Variants in WDHD1 observed in about 807,000 individuals in gnomAD.
WDHD1 encodes WD repeat and HMG-box DNA binding protein 1, also known as WD repeat and HMG-box DNA-binding protein 1.
In WDHD1, 111 loss-of-function variants were observed where a neutral mutation model predicts 135.4. The observed-to-expected ratio is 0.82, with a 90% CI of 0.70 to 0.96. WDHD1 has a LOEUF of 0.96. Ranked by LOEUF, WDHD1 falls within the 40% of genes least tolerant of loss-of-function variation. The pLI is 0.00. For synonymous variants in WDHD1, 434 were observed against 439.0 expected, an observed-to-expected ratio of 0.99 and a Z score of 0.14; for missense variants, 1,351 against 1,336.3, an observed-to-expected ratio of 1.01 and a Z score of -0.17.
chr14:55,008,429 C>A (rs1266569783), intron 5 of WDHD1, 63 bp from the exon 6 acceptor site: 18 of 1,540,124 alleles, frequency 1.2e-5, no homozygotes, highest in Non-Finnish European at 1.4e-5. Context: ...GAAAGTGGTT[C>A]AATTAATTAA....
chr14:54,946,878 A>C (rs1463462909), intron 24 of WDHD1, among the ~76,000 whole-genome samples: 1 of 151,822 alleles, frequency 6.6e-6, no homozygotes, highest in East Asian at 1.9e-4. Context: ...CTCCATCTCT[A>C]CCAAAAAATA....
chr14:55,013,248 C>T lies in WDHD1; in HGVS notation c.189+237G>A, dbSNP rs567642260. Reference sequence around the variant, plus strand: ...TGGGGCAAGTTATGGCATTATCATGCATTTTAAAATATTATTTCATGAGAT... The same window carrying T: ...TGGGGCAAGTTATGGCATTATCATGTATTTTAAAATATTATTTCATGAGAT... On this transcript the variant is annotated intron_variant, in intron 3 of 25. Transcript: ENST00000360586. Among the ~76,000 whole-genome samples the T allele has an allele frequency of 3.6e-4, 51 of 140,944 alleles. 1 individual carries two copies. The highest frequency in any genetic ancestry group is 7.1e-4 in the Non-Finnish European group (47 of 65,878). 92.5% of individuals were successfully genotyped at this position (140,944 alleles called of 152,430 possible). A position where few individuals can be genotyped will look rare whatever the true frequency, so the allele number is the denominator to read the frequency against.
intron 24 of WDHD1, 44 bp downstream of exon 24, chr14:54,955,517 C>G: frequency 6.8e-7 from 1 of 1,460,032 alleles, no homozygotes; most frequent in Admixed American, 2.7e-5. Flanking sequence ...CTACTGTATA[C>G]TTTTTACTTG....
rs1461406000 is a variant in WDHD1 at position 54,987,945 on chromosome 14, A to C, written c.1527-558T>G. Among the ~76,000 whole-genome samples the C allele has an allele frequency of 3.9e-5, 6 of 152,208 alleles. No homozygotes were observed. The South Asian group carries it at 1.2e-3, about 32-fold the overall frequency. ...CCCAGCCTGAAGGATACAAATTTCA[A>C]ATCACATAGAAGATAGTAAAATCCA... On this transcript the variant is annotated intron_variant, in intron 13 of 25. Coordinates refer to ENST00000360586, the MANE Select transcript of WDHD1 (RefSeq NM_007086.4).
chr14:55,009,904 T>C (rs940922798), intron 4 of WDHD1, among the ~76,000 whole-genome samples: 3 of 152,130 alleles, frequency 2.0e-5, no homozygotes, highest in Non-Finnish European at 4.4e-5. Flanking sequence ...CACTGCAACC[T>C]CTGCCTCCTA....
intron 7 of WDHD1, among the ~76,000 whole-genome samples, chr14:55,006,433 GGATAA>G (rs2042071025): frequency 6.6e-6 from 1 of 151,964 alleles, no homozygotes; most frequent in Non-Finnish European, 1.5e-5. Flanking sequence ...TTTGTATACA[GGATAA>G]CAATCCTGTA....
chr14:54,971,833 C>A (rs2041438971), intron 16 of WDHD1, among the ~76,000 whole-genome samples: 1 of 150,518 alleles, frequency 6.6e-6, no homozygotes, highest in Non-Finnish European at 1.5e-5. Flanking sequence ...AAATCAGCAG[C>A]AAAAAACAAA....
chr14:54,953,163 G>C (rs2041090974), intron 24 of WDHD1, among the ~76,000 whole-genome samples: 1 of 152,100 alleles, frequency 6.6e-6, no homozygotes, highest in African/African-American at 2.4e-5. Context: ...CACAGCAAAA[G>C]AAACTACCAT....
intron 7 of WDHD1, among the ~76,000 whole-genome samples, chr14:55,003,721 G>C (rs2042016248): frequency 6.7e-6 from 1 of 149,130 alleles, no homozygotes; most frequent in South Asian, 2.1e-4. Context: ...ACACCACCAC[G>C]CCTGGCTAAT....
At position 55,007,349 on chromosome 14, in the gene WDHD1, T is replaced by C. The variant is rs1393808699; in HGVS notation, c.531A>G (p.Leu177=). Residue 177 remains leucine, a synonymous_variant, in exon 7 of 26, where the codon CTA becomes CTG. Transcript: ENST00000360586. ...DQTCAISWPL[L]QKCNDVINAK... The stretch of plus-strand genomic sequence containing the variant: ...CATTTATCACATCGTTGCATTTTTG[T>C]AGCAGTGGCCAACTAATAGCACATG... 3 of 1,604,266 alleles carry C rather than the reference T, an allele frequency of 1.9e-6. No individual in the cohort carries two copies. The highest frequency in any genetic ancestry group is 1.7e-5 in the Admixed American group (1 of 58,696).
intron 3 of WDHD1, among the ~76,000 whole-genome samples, chr14:55,012,016 C>T (rs76202473): frequency 0.071 from 10,751 of 151,890 alleles, 603 homozygotes; most frequent in Non-Finnish European, 0.11. Flanking sequence ...AAAAGTTTCT[C>T]ACTTATGTAT....
intron 12 of WDHD1, among the ~76,000 whole-genome samples, chr14:54,990,621 C>T (rs1445014523): frequency 6.6e-6 from 1 of 151,506 alleles, no homozygotes; most frequent in Non-Finnish European, 1.5e-5. Flanking sequence ...GAACTCAAAT[C>T]TAAGGCAAAA....
chr14:55,003,477 T>C (rs971793037), intron 7 of WDHD1, among the ~76,000 whole-genome samples: 2 of 151,122 alleles, frequency 1.3e-5, no homozygotes, highest in African/African-American at 4.9e-5. Flanking sequence ...ATCATGCCAC[T>C]GCACTCCAGC....
intron 21 of WDHD1, among the ~76,000 whole-genome samples, chr14:54,958,070 CCTT>C (rs1424510089): frequency 1.3e-5 from 2 of 152,038 alleles, no homozygotes; most frequent in Non-Finnish European, 2.9e-5. Context: ...AAAAAACAAA[CCTT>C]CTCTACCCCA....
intron 16 of WDHD1, among the ~76,000 whole-genome samples, chr14:54,970,372 G>A (rs928987002): frequency 3.3e-5 from 5 of 151,764 alleles, no homozygotes; most frequent in Admixed American, 2.0e-4. Context: ...AATAATGTTC[G>A]AGCTGAGAGT....
At chr14:54,982,459 TG>T (rs1274167297) in intron 15 of WDHD1, among the ~76,000 whole-genome samples, 4 of 152,342 alleles carry the variant, frequency 2.6e-5, no homozygotes, top group Admixed American at 2.6e-4. Flanking sequence ...CTCTTCTTTT[TG>T]TTGGCCTTGT....
rs2041347591 is a variant in WDHD1 at position 54,966,499 on chromosome 14, C to T, written c.2286G>A (p.Gln762=). The change falls in exon 18 of 26, where the codon CAG becomes CAA. Residue 762 remains glutamine, a synonymous_variant. Coordinates refer to ENST00000360586, the MANE Select transcript of WDHD1 (RefSeq NM_007086.4). The part of the protein sequence containing the change: ...STKNQATKEQ[Q]ELLMKMLALS... ...CCGCAAGCATTTTCATTAAAAGTTC[C>T]TGTTGCTCTTTTGTTGCTTGATTTT... 6.2e-7 allele frequency: 1 copy of T among 1,602,582 alleles called. No individual in the cohort carries two copies.
rs60896254 is a variant in WDHD1, at chr14:54,954,722, TTC to T, written c.3050+837_3050+838del. On this transcript the variant is annotated intron_variant, in intron 24 of 25. Transcript: ENST00000360586. ...ATAGCCTTGCTATAGTATAAAGAAG[TTC>T]TTTTTGTTTTTTTGGTTTTTTTGAG... Among the ~76,000 whole-genome samples the T allele has an allele frequency of 1.9e-3, 290 of 152,290 alleles. 2 individuals are homozygous for T. The highest frequency in any genetic ancestry group is 3.7e-3 in the South Asian group (18 of 4,826).
At chr14:55,019,430 T>C (rs1183319157) in intron 2 of WDHD1, among the ~76,000 whole-genome samples, 12 of 152,208 alleles carry the variant, frequency 7.9e-5, no homozygotes, top group Admixed American at 7.9e-4. Flanking sequence ...TTGAAGCCTA[T>C]ATTGTACCTT....
Sources: allele counts gnomAD v4.1 joint callset (sites outside exome capture counted in the v4.1 genomes callset), GRCh38; gene constraint gnomAD v4.1.1; transcripts MANE v1.5; gene names NCBI Gene and HGNC (gene_info 2026-07-23, HGNC 2026-07-21).